GRK3: variants seen among roughly 807,000 people sequenced by gnomAD.
The protein encoded by GRK3 is G protein-coupled receptor kinase 3, also known as adrenergic, beta, receptor kinase 2.
A neutral mutation model predicts 95.7 loss-of-function variants in GRK3; 54 were observed. The ratio of observed to expected loss-of-function variants is 0.56; its 90% CI spans 0.45 to 0.71. GRK3 has a LOEUF of 0.71. Ranked by LOEUF, GRK3 falls within the 30% of genes least tolerant of loss-of-function variation. The probability of loss-of-function intolerance (pLI) is 0.00; values close to 1 mark genes in which losing one functional copy is unlikely to be tolerated. For synonymous variants in GRK3, 281 were observed against 290.8 expected (o/e 0.97, Z 0.34); for missense variants, 649 against 851.2 (o/e 0.76, Z 2.96).
intron 3 of GRK3, among the ~76,000 whole-genome samples, chr22:25,655,799 T>C (rs570294063): frequency 6.6e-6 from 1 of 152,332 alleles, no homozygotes; most frequent in South Asian, 2.1e-4. Context: ...GCTTCATATC[T>C]GAACTTCAGT....
intron 12 of GRK3, among the ~76,000 whole-genome samples, chr22:25,694,136 C>T (rs934503304): frequency 6.6e-6 from 1 of 152,174 alleles, no homozygotes; most frequent in African/African-American, 2.4e-5. Context: ...AAATCCCCAA[C>T]ACGAATCCAG....
chr22:25,612,021 C>T (rs1471243800), intron 2 of GRK3, among the ~76,000 whole-genome samples: 7 of 151,854 alleles, frequency 4.6e-5, no homozygotes, highest in Non-Finnish European at 1.0e-4. Context: ...TCAGTAGAGA[C>T]GGGTTTTCAC....
chr22:25,640,754 G>A (rs189177163), intron 2 of GRK3, among the ~76,000 whole-genome samples: 70 of 151,984 alleles, frequency 4.6e-4, no homozygotes, highest in African/African-American at 1.5e-3. Flanking sequence ...AAAAATTATC[G>A]TGATGGCGGG....
In GRK3 at chr22:25,726,956, T is replaced by TGTGTGTGTGTGTGC. The variant is rs1209097401; in HGVS notation, c.*4507_*4508insTGTGTGTGTGTGCG. ...GTGTGTGTGTGTGTGTGTGTGTGTG[T>TGTGTGTGTGTGTGC]GCACTTTGCAGCCCCCGAGGTGGAG... On this transcript the variant is annotated 3_prime_UTR_variant, in exon 21 of 21. Transcript: ENST00000324198. 2.7e-5 allele frequency: 4 copies of TGTGTGTGTGTGTGC among 149,080 alleles called. No homozygotes were observed. The highest frequency in any genetic ancestry group is 2.2e-4 in the South Asian group (1 of 4,628). The allele number at this position is 149,080 out of a possible 1,614,324, so 9.2% of individuals were successfully genotyped here.
chr22:25,626,089 G>A (rs541222151), intron 2 of GRK3, among the ~76,000 whole-genome samples: 2 of 152,170 alleles, frequency 1.3e-5, no homozygotes, highest in East Asian at 3.9e-4. Flanking sequence ...TCTCGTCGCC[G>A]CACATGGGGA....
At chr22:25,565,198 T>C in intron 1 of GRK3, 45 bp downstream of exon 1, 1 of 1,087,612 alleles carries the variant, frequency 9.2e-7, no homozygotes, top group Non-Finnish European at 1.3e-6. Context: ...CGCCGCCCCC[T>C]GCGGCCGCCA....
intron 13 of GRK3, among the ~76,000 whole-genome samples, 156 bp from the exon 14 acceptor site, chr22:25,703,354 T>C (rs986663186): frequency 4.6e-5 from 7 of 152,228 alleles, no homozygotes; most frequent in African/African-American, 1.7e-4. Context: ...TATTCACCAG[T>C]TCTTCCATGG....
intron 2 of GRK3, among the ~76,000 whole-genome samples, chr22:25,607,254 A>G (rs2146343235): frequency 6.6e-6 from 1 of 152,242 alleles, no homozygotes. Flanking sequence ...ATGCTTTCTT[A>G]TACAGCCGCA....
chr22:25,670,833 CGAGACCATCCTGGCTA>C (rs1286209986), intron 6 of GRK3, among the ~76,000 whole-genome samples: 1 of 140,882 alleles, frequency 7.1e-6, no homozygotes. Flanking sequence ...GCGGGCGGAT[CGAGACCATCCTGGCTA>C]ACATGGTGAA....
chr22:25,678,912 AG>A lies in GRK3; in HGVS notation c.746del (p.Gly249GlufsTer9). ...ERIMLSLVST[G>X]DCPFIVCMTY... Reference sequence around the variant, plus strand: ...GAATCATGTTGTCTCTTGTCAGCACAGGAGTAAGTATTCAATTTCCAGCATT... The same window carrying A: ...GAATCATGTTGTCTCTTGTCAGCACAGAGTAAGTATTCAATTTCCAGCATT... On this transcript the variant is annotated frameshift_variant and splice_region_variant, in exon 9 of 21. Coordinates refer to ENST00000324198, the MANE Select transcript of GRK3 (RefSeq NM_005160.4). LOFTEE classifies it high-confidence loss of function. 6.5e-7 allele frequency: 1 copy of A among 1,536,330 alleles called. No homozygotes were observed. The highest frequency in any genetic ancestry group is 8.9e-7 in the Non-Finnish European group (1 of 1,128,040).
intron 6 of GRK3, among the ~76,000 whole-genome samples, chr22:25,668,978 G>A (rs899795876): frequency 1.3e-5 from 2 of 152,102 alleles, no homozygotes; most frequent in South Asian, 4.1e-4. Flanking sequence ...AAACGATGCC[G>A]TTTGCATTTT....
intron 14 of GRK3, 51 bp from the exon 15 acceptor site, chr22:25,704,058 G>C (rs751589232): frequency 1.5e-6 from 2 of 1,368,982 alleles, no homozygotes; most frequent in Admixed American, 1.7e-5. Context: ...TTGAGTGTTA[G>C]GATGCTGTTT....
chr22:25,599,257 G>A (rs541190640), intron 1 of GRK3, among the ~76,000 whole-genome samples: 1 of 152,114 alleles, frequency 6.6e-6, no homozygotes, highest in South Asian at 2.1e-4. Context: ...ACACCACTAA[G>A]CAAGTGCAAA....
chr22:25,716,673 G>A (rs977857742), intron 18 of GRK3, among the ~76,000 whole-genome samples: 5 of 151,956 alleles, frequency 3.3e-5, no homozygotes, highest in African/African-American at 1.2e-4. Context: ...CTGCATCTGT[G>A]GATTCGACCA....
chr22:25,602,222 C>T (rs988804408), intron 1 of GRK3, among the ~76,000 whole-genome samples: 13 of 152,302 alleles, frequency 8.5e-5, no homozygotes, highest in African/African-American at 2.2e-4. Context: ...ACATGCTCAA[C>T]GTCATTATTC....
chr22:25,646,733 G>T (rs2084785174), intron 3 of GRK3, among the ~76,000 whole-genome samples: 1 of 152,060 alleles, frequency 6.6e-6, no homozygotes, highest in Non-Finnish European at 1.5e-5. Flanking sequence ...TTTAAAAAAA[G>T]ACAGTGAGGC....
Position 25,663,161 on chromosome 22 carries a change from G to A in GRK3, c.367-469G>A, listed in dbSNP as rs996266720. On this transcript the variant is annotated intron_variant, in intron 4 of 20. Coordinates refer to ENST00000324198, the MANE Select transcript of GRK3 (RefSeq NM_005160.4). ...CTCCAGAGTAGTTAGGACTACAGGCGCACACCACCATGCCTGGCTCATTTT... is the reference window on the plus strand; with the variant it reads ...CTCCAGAGTAGTTAGGACTACAGGCACACACCACCATGCCTGGCTCATTTT... 1.5e-4 allele frequency among the ~76,000 whole-genome samples: 23 copies of A among 152,010 alleles called. 1 individual carries two copies. The highest frequency in any genetic ancestry group is 2.1e-4 in the Non-Finnish European group (14 of 68,020).
At chr22:25,678,312 GGTC>G (rs1181828489) in intron 8 of GRK3, among the ~76,000 whole-genome samples, 1 of 152,076 alleles carries the variant, frequency 6.6e-6, no homozygotes, top group Non-Finnish European at 1.5e-5. Context: ...AAAATTAGCC[GGTC>G]ATGGTGGCGG....
At chr22:25,687,496 A>G in intron 10 of GRK3, 41 bp from the exon 11 acceptor site, 1 of 1,604,868 alleles carries the variant, frequency 6.2e-7, no homozygotes, top group Non-Finnish European at 8.5e-7. Context: ...TGTTTCCTTT[A>G]AATTAACATG....
Sources: gnomAD v4.1 joint callset for allele counts (sites outside exome capture counted in the v4.1 genomes callset) on GRCh38, gnomAD v4.1.1 for gene constraint, MANE v1.5 for transcripts, NCBI Gene and HGNC (gene_info 2026-07-23, HGNC 2026-07-21) for gene names.